The following PHLDB1 variants were observed in gnomAD, a reference collection of about 807,000 sequenced individuals.
PHLDB1 encodes the protein pleckstrin homology-like domain family B member 1.
Under a neutral mutation model 139.3 loss-of-function variants are expected in PHLDB1, and 65 were observed. The ratio of observed to expected loss-of-function variants is 0.47; its 90% confidence interval spans 0.38 to 0.57. The LOEUF is 0.57. Among genes scored for constraint, PHLDB1 ranks in the 20% least tolerant of loss-of-function variants. PHLDB1 has a pLI of 0.00. For synonymous variants in PHLDB1, 679 were observed against 734.5 expected (o/e 0.92, Z 1.22); for missense variants, 1,624 against 1,839.7 (o/e 0.88, Z 2.14).
intron 4 of PHLDB1, among the ~76,000 whole-genome samples, chr11:118,623,693 C>CG (rs1464908151): frequency 3.3e-5 from 5 of 152,066 alleles, no homozygotes; most frequent in African/African-American, 1.2e-4. Flanking sequence ...TCAGGACCCC[C>CG]CCGGTTCATC....
chr11:118,625,877 T>A (rs1943762219), intron 5 of PHLDB1, among the ~76,000 whole-genome samples: 1 of 152,176 alleles, frequency 6.6e-6, no homozygotes, highest in African/African-American at 2.4e-5. Flanking sequence ...TTGCAAAGGC[T>A]TTCCCTTCTC....
intron 10 of PHLDB1, 87 bp downstream of exon 10, chr11:118,635,635 G>T: frequency 1.7e-6 from 2 of 1,180,864 alleles, no homozygotes; most frequent in Non-Finnish European, 2.3e-6. Flanking sequence ...AGTTAACTTC[G>T]TCTTTTGTGC....
intron 17 of PHLDB1, 67 bp from the exon 18 acceptor site, chr11:118,647,862 AG>A: frequency 6.7e-7 from 1 of 1,501,214 alleles, no homozygotes; most frequent in East Asian, 2.5e-5. Flanking sequence ...AGCCCTGCCC[AG>A]GTGTGAAGAG....
intron 5 of PHLDB1, chr11:118,626,930 C>G (rs1943983020): frequency 4.2e-6 from 1 of 238,838 alleles, no homozygotes; most frequent in South Asian, 5.8e-5. Flanking sequence ...GTTGGGATTA[C>G]AGGCGTGAGC....
At chr11:118,648,215 G>A in intron 18 of PHLDB1, 139 bp downstream of exon 18, 1 of 874,142 alleles carries the variant, frequency 1.1e-6, no homozygotes, top group Admixed American at 2.5e-5. Context: ...AATACTAGCA[G>A]AATTCTACCT....
chr11:118,649,753 C>T (rs368940646), intron 18 of PHLDB1, among the ~76,000 whole-genome samples: 6 of 152,148 alleles, frequency 3.9e-5, no homozygotes, highest in Non-Finnish European at 8.8e-5. Flanking sequence ...TCCCAGACCA[C>T]GTTCATATCT....
At chr11:118,609,611 C>A (rs1939777059) in intron 1 of PHLDB1, among the ~76,000 whole-genome samples, 1 of 152,246 alleles carries the variant, frequency 6.6e-6, no homozygotes, top group Non-Finnish European at 1.5e-5. Flanking sequence ...GCCGCCCTTC[C>A]CGCAGCTGCC....
Position 118,650,637 on chromosome 11 carries a change from T to C in PHLDB1, c.3874+90T>C. ...CTGGTCTTCTAGAAGGAGGCCAAGC[T>C]TCCAAGTAGGGGACCAGAGTCTTGG... On this transcript the variant is annotated intron_variant, in intron 20 of 22. Transcript: ENST00000600882. The surrounding 1 kb of genome is among the most constrained non-coding windows in gnomAD (Gnocchi z 4.7). 1.1e-6 allele frequency: 1 copy of C among 871,156 alleles called. No homozygotes were observed. The highest frequency in any genetic ancestry group is 1.8e-5 in the Admixed American group (1 of 54,562). 54.0% of individuals were successfully genotyped at this position (871,156 alleles called of 1,614,324 possible).
chr11:118,644,634 T>C, intron 15 of PHLDB1: 3 of 1,283,196 alleles, frequency 2.3e-6, no homozygotes, highest in South Asian at 2.5e-5. Context: ...CTGCCTGGGG[T>C]CCCCCACGCC....
rs372763753 is a variant in PHLDB1 at position 118,627,875 on chromosome 11, G to A, written c.1052G>A (p.Arg351Gln). 38 of 1,609,442 alleles carry A rather than the reference G, an allele frequency of 2.4e-5. No homozygotes were observed. Among genetic ancestry groups the A allele is most frequent in the African/African-American group, 8.0e-5 (6 of 74,940 alleles). The change falls in exon 6 of 23, where the codon CGG (arginine) becomes CAG (glutamine). Residue 351 changes from arginine to glutamine, a missense_variant. Arg to Gln is a conservative substitution (Grantham distance 43). Transcript: ENST00000600882. Reference protein sequence around the residue: ...AEARRATESPRLGGQLPVVAI... With the variant: ...AEARRATESPQLGGQLPVVAI... ...GCCCGGAGAGCCACTGAGAGCCCCC[G>A]GCTGGGTGGGCAGCTGCCTGTGGTG... is the stretch of plus-strand genomic sequence containing the variant.
rs141952452 is a variant in PHLDB1, at chr11:118,642,758, G to A, written c.2877+364G>A. Among the ~76,000 whole-genome samples the A allele has an allele frequency of 3.1e-4, 47 of 152,360 alleles. 1 individual carries two copies. The highest frequency in any genetic ancestry group is 1.1e-3 in the African/African-American group (47 of 41,596). On this transcript the variant is annotated intron_variant, in intron 13 of 22. Transcript: ENST00000600882. ...TCTCACCCAGTCTGGGGGCCTGACA[G>A]GCTCTTGGGCCTGTGGCAACTGGAA...
In PHLDB1 at chr11:118,628,157, G is replaced by T; in HGVS notation, c.1334G>T (p.Arg445Leu). 1 of 1,614,046 alleles carries T rather than the reference G, an allele frequency of 6.2e-7. No individual in the cohort carries two copies. The highest frequency in any genetic ancestry group is 1.1e-5 in the South Asian group (1 of 91,086). ...TRTLQPPESPRLGRRGLDSMR... is the reference protein window; with the variant it reads ...TRTLQPPESPLLGRRGLDSMR... Reference sequence around the variant, plus strand: ...ACCCTGCAGCCTCCTGAGAGTCCCCGCCTGGGCCGGCGGGGCCTGGACAGT... The same window carrying T: ...ACCCTGCAGCCTCCTGAGAGTCCCCTCCTGGGCCGGCGGGGCCTGGACAGT... The change falls in exon 6 of 23, where the codon CGC becomes CTC. Residue 445 changes from arginine to leucine, a missense_variant. Arg to Leu is a moderately radical substitution (Grantham distance 102). Coordinates refer to ENST00000600882, the MANE Select transcript of PHLDB1 (RefSeq NM_001144758.3).
At position 118,628,641 on chromosome 11, in the gene PHLDB1, G is replaced by A. The variant is rs1555106971; in HGVS notation, c.1818G>A (p.Met606Ile). The A allele has an allele frequency of 6.2e-7, 1 of 1,606,632 alleles. No homozygotes were observed. Among genetic ancestry groups the A allele is most frequent in the East Asian group, 2.3e-5 (1 of 44,424 alleles). Reference sequence around the variant, plus strand: ...AAGAGCGGCTCCGGGAGCAGGAGATGGAGAGGCTGGTGAGCGGGTGCCAGG... The same window carrying A: ...AAGAGCGGCTCCGGGAGCAGGAGATAGAGAGGCTGGTGAGCGGGTGCCAGG... ...QRQERLREQEMERLERQRLET... is the reference protein window; with the variant it reads ...QRQERLREQEIERLERQRLET... The change falls in exon 6 of 23, where the codon ATG becomes ATA. Residue 606 changes from methionine (M) to isoleucine (I), a missense_variant. Transcript: ENST00000600882.
Position 118,628,024 on chromosome 11 carries a change from C to A in PHLDB1, c.1201C>A (p.Arg401Ser), listed in dbSNP as rs781815003. The A allele has an allele frequency of 1.2e-6, 2 of 1,613,836 alleles. No homozygotes were observed. The highest frequency in any genetic ancestry group is 4.5e-5 in the East Asian group (2 of 44,862). The change falls in exon 6 of 23, where the codon CGC (arginine) becomes AGC (serine). Residue 401 changes from arginine (R) to serine (S), a missense_variant. Coordinates refer to ENST00000600882, the MANE Select transcript of PHLDB1 (RefSeq NM_001144758.3). ...AAACAAGATTGGCACACTCCAGGAC[C>A]GCCCTCCCAGCCCTTTCCGTGAGCC... The part of the protein sequence containing the change: ...PRNKIGTLQD[R>S]PPSPFREPPG...
intron 12 of PHLDB1, chr11:118,641,675 T>A (rs868948320): frequency 9.3e-6 from 12 of 1,289,480 alleles, no homozygotes; most frequent in Non-Finnish European, 1.2e-5. Flanking sequence ...CCAGCCCCTG[T>A]GCCAGGCCTT....
intron 9 of PHLDB1, chr11:118,634,941 G>T (rs1401756633): frequency 4.4e-6 from 2 of 455,264 alleles, no homozygotes; most frequent in African/African-American, 4.0e-5. Flanking sequence ...GGAGCTGGCC[G>T]CGGGACGGAG....
At chr11:118,644,725 C>T (rs1555125359) in intron 15 of PHLDB1, 1 of 1,266,142 alleles carries the variant, frequency 7.9e-7, no homozygotes, top group Admixed American at 2.3e-5. Context: ...ATTGCTTTGG[C>T]CAGGCAGCCC....
intron 10 of PHLDB1, chr11:118,637,880 CTAT>C (rs1555116749): frequency 1.3e-5 from 2 of 152,220 alleles, no homozygotes; most frequent in Middle Eastern, 3.4e-3. Flanking sequence ...TCTAAAAGCC[CTAT>C]TGGGGGTATA....
At position 118,657,809 on chromosome 11, in the gene PHLDB1, T is replaced by TATCATTAAAAAA; in HGVS notation, c.*986_*987insATCATTAAAAAA. The TATCATTAAAAAA allele has an allele frequency of 3.1e-5, 5 of 162,278 alleles. No individual in the cohort carries two copies. The highest frequency in any genetic ancestry group is 1.8e-4 in the South Asian group (1 of 5,640). The allele number at this position is 162,278 out of a possible 1,614,324, so 10.1% of individuals were successfully genotyped here. A position where few individuals can be genotyped will look rare whatever the true frequency, so the allele number is the denominator to read the frequency against. On this transcript the variant is annotated 3_prime_UTR_variant, in exon 23 of 23. Transcript: ENST00000600882. ...GATGCAGCAGAGGGGAAGGGCCCTGTGGTGCCGCCGCCCTTCCTTCAGCCT... is the reference window on the plus strand; with the variant it reads ...GATGCAGCAGAGGGGAAGGGCCCTGTATCATTAAAAAAGGTGCCGCCGCCCTTCCTTCAGCCT...
Sources: allele counts gnomAD v4.1 joint callset (sites outside exome capture counted in the v4.1 genomes callset), GRCh38; gene constraint gnomAD v4.1.1; non-coding constraint Gnocchi (gnomAD v3.1); transcripts MANE v1.5; gene names NCBI Gene and HGNC (gene_info 2026-07-23, HGNC 2026-07-21).